Variants in POLR1D observed in about 807,000 individuals in gnomAD.
The protein encoded by POLR1D is RNA polymerase I and III subunit D.
In POLR1D, 8 loss-of-function variants were observed where a neutral mutation model predicts 10.8. That is an observed-to-expected ratio of 0.74 (90% CI 0.43 to 1.33). The LOEUF is 1.33. Ranked by LOEUF, POLR1D falls within the 40% of genes most tolerant of loss-of-function variation. The probability of loss-of-function intolerance (pLI) is 0.01; values close to 1 mark genes in which losing one functional copy is unlikely to be tolerated. For missense variants in POLR1D, 152 were observed against 161.7 expected, an observed-to-expected ratio of 0.94 and a Z score of 0.32; for synonymous variants, 54 against 57.2, an observed-to-expected ratio of 0.94 and a Z score of 0.25.
At chr13:27,627,735 T>G (rs530622400), downstream of POLR1D, among the ~76,000 whole-genome samples, 7 of 120,104 alleles carry the variant, frequency 5.8e-5, no homozygotes, top group South Asian at 1.1e-3. Flanking sequence ...TAGTTTTTTT[T>G]TTTTTTTTTT....
rs188613934 is a variant in POLR1D, at chr13:27,622,373, T to A, written c.26+364T>A. On this transcript the variant is annotated intron_variant, in intron 1 of 1. Transcript: ENST00000302979. ...GTGCAGACTGCTCCTAAAGCCACTC[T>A]GTGCGCTGAGCTCTTTTTCTCCCTG... 68 of 368,140 alleles carry A rather than the reference T, an allele frequency of 1.8e-4. No homozygotes were observed. The East Asian group carries it at 3.5e-3, about 19-fold the overall frequency. The allele number at this position is 368,140 out of a possible 1,614,324, so 22.8% of individuals were successfully genotyped here. A position where few individuals can be genotyped will look rare whatever the true frequency, so the allele number is the denominator to read the frequency against.
downstream of POLR1D, chr13:27,623,467 T>C: frequency 4.8e-6 from 5 of 1,043,314 alleles, no homozygotes; most frequent in Non-Finnish European, 6.4e-6. Context: ...GACTGGTTTC[T>C]GTTCCATGCA....
At chr13:27,642,307 C>T (rs1956181744) in intron 1 of POLR1D, among the ~76,000 whole-genome samples, 1 of 152,142 alleles carries the variant, frequency 6.6e-6, no homozygotes, top group African/African-American at 2.4e-5. Context: ...CATTCTGTGT[C>T]CTTGGTCAGT....
chr13:27,652,907 A>G (rs1331871645), intron 2 of POLR1D, among the ~76,000 whole-genome samples: 3 of 78,530 alleles, frequency 3.8e-5, no homozygotes, highest in Non-Finnish European at 7.3e-5. Context: ...TGCATTTACC[A>G]TTTCTTTTTT....
At chr13:27,636,816 A>G (rs571194525) in intron 1 of POLR1D, among the ~76,000 whole-genome samples, 113 of 152,270 alleles carry the variant, frequency 7.4e-4, no homozygotes, top group African/African-American at 2.4e-3. Flanking sequence ...CTTTGTTAGC[A>G]TTGCTCCATC....
intron 2 of POLR1D, among the ~76,000 whole-genome samples, chr13:27,659,395 G>T (rs1443568783): frequency 6.6e-6 from 1 of 152,164 alleles, no homozygotes; most frequent in Non-Finnish European, 1.5e-5. Flanking sequence ...TCGTGGAGGA[G>T]GCTCTTGGCA....
In POLR1D at chr13:27,623,258, TGCA is replaced by T. The variant is rs1404066660; in HGVS notation, c.*10_*12del. On this transcript the variant is annotated 3_prime_UTR_variant, in exon 2 of 2. Coordinates refer to ENST00000302979, the MANE Select transcript of POLR1D (RefSeq NM_015972.4). ...AATGAATCCACATTCTAGTCCTTTA[TGCA>T]GTATACAAGGAGAACTGTCCTGTAG... 1 of 1,613,494 alleles carries T rather than the reference TGCA, an allele frequency of 6.2e-7. No individual in the cohort carries two copies. The highest frequency in any genetic ancestry group is 2.2e-5 in the East Asian group (1 of 44,880).
intron 1 of POLR1D, among the ~76,000 whole-genome samples, chr13:27,632,374 C>T (rs1956082729): frequency 1.3e-5 from 2 of 152,204 alleles, no homozygotes; most frequent in South Asian, 4.1e-4. Context: ...GAATAGTACA[C>T]TCATTTCCTA....
intron 2 of POLR1D, among the ~76,000 whole-genome samples, chr13:27,654,753 A>G (rs1231889453): frequency 6.6e-6 from 1 of 152,234 alleles, no homozygotes; most frequent in Non-Finnish European, 1.5e-5. Flanking sequence ...GCACTGCTTC[A>G]TCAAGGACAT....
In POLR1D at chr13:27,622,847, C is replaced by T. The variant is rs1231222987; in HGVS notation, c.27-28C>T. ...GTTACAAAACAATATTCAGTATGAT[C>T]TCATTTTTATAAAAAATATGTGTGT... On this transcript the variant is annotated intron_variant, in intron 1 of 1. Transcript: ENST00000302979. 2.0e-6 allele frequency: 3 copies of T among 1,481,736 alleles called. No homozygotes were observed. In the Admixed American group the frequency reaches 5.1e-5, roughly 25 times the overall value. The allele number at this position is 1,481,736 out of a possible 1,614,324, so 91.8% of individuals were successfully genotyped here.
At chr13:27,641,526 C>T (rs1397330187) in intron 1 of POLR1D, among the ~76,000 whole-genome samples, 1 of 151,890 alleles carries the variant, frequency 6.6e-6, no homozygotes, top group African/African-American at 2.4e-5. Context: ...AATATTAATC[C>T]AAATATTCAG....
chr13:27,655,344 C>A (rs1471119085), intron 2 of POLR1D, among the ~76,000 whole-genome samples: 1 of 152,166 alleles, frequency 6.6e-6, no homozygotes, highest in Non-Finnish European at 1.5e-5. Flanking sequence ...GCATGCAGAT[C>A]TCAAAGACAT....
At chr13:27,664,120 CAGG>C (rs911320752) in intron 2 of POLR1D, among the ~76,000 whole-genome samples, 2 of 152,198 alleles carry the variant, frequency 1.3e-5, no homozygotes, top group African/African-American at 4.8e-5. Context: ...TCAGACCCTG[CAGG>C]AGAACTCGGC....
chr13:27,631,863 G>A (rs1339418288), intron 1 of POLR1D, among the ~76,000 whole-genome samples: 1 of 152,130 alleles, frequency 6.6e-6, no homozygotes, highest in African/African-American at 2.4e-5. Flanking sequence ...GATTTATAAT[G>A]ACATTATTTT....
intron 2 of POLR1D, among the ~76,000 whole-genome samples, chr13:27,652,782 A>C (rs544589486): frequency 1.5e-4 from 22 of 151,246 alleles, no homozygotes; most frequent in African/African-American, 5.3e-4. Flanking sequence ...CAGGAGAATC[A>C]CTTGAACCTG....
At chr13:27,624,855 T>A (rs1455754170), downstream of POLR1D, among the ~76,000 whole-genome samples, 11 of 152,156 alleles carry the variant, frequency 7.2e-5, no homozygotes, top group Admixed American at 5.9e-4. Context: ...ACCATTGCAC[T>A]CCAGCCTGGG....
downstream of POLR1D, among the ~76,000 whole-genome samples, chr13:27,628,329 A>G (rs1021108332): frequency 1.3e-5 from 2 of 152,246 alleles, no homozygotes; most frequent in Non-Finnish European, 2.9e-5. Flanking sequence ...TTTAGGGGCC[A>G]GGATACGGCA....
downstream of POLR1D, among the ~76,000 whole-genome samples, chr13:27,625,613 G>T (rs908978485): frequency 6.6e-6 from 1 of 151,762 alleles, no homozygotes; most frequent in Non-Finnish European, 1.5e-5. Flanking sequence ...ATCTAAGCTG[G>T]AGACAAATTT....
chr13:27,642,054 G>A (rs1956179181), intron 1 of POLR1D, among the ~76,000 whole-genome samples: 2 of 152,108 alleles, frequency 1.3e-5, no homozygotes, highest in South Asian at 4.2e-4. Flanking sequence ...AACACTAGGC[G>A]CTGTCATCTC....
Sources: allele counts gnomAD v4.1 joint callset (sites outside exome capture counted in the v4.1 genomes callset), GRCh38; gene constraint gnomAD v4.1.1; transcripts MANE v1.5; gene names NCBI Gene and HGNC (gene_info 2026-07-23, HGNC 2026-07-21).